Variants in TAF1B observed in about 807,000 individuals in gnomAD.
The protein encoded by TAF1B is TATA-box binding protein associated factor, RNA polymerase I subunit B.
Under a neutral mutation model 83.9 loss-of-function variants are expected in TAF1B, and 61 were observed. The observed-to-expected ratio is 0.73, with a 90% CI of 0.59 to 0.90. The LOEUF is 0.90. Ranked by LOEUF, TAF1B falls within the 40% of genes least tolerant of loss-of-function variation. The pLI is 0.00. For synonymous variants in TAF1B, 221 were observed against 224.6 expected, an observed-to-expected ratio of 0.98 and a Z score of 0.14; for missense variants, 625 against 677.0, an observed-to-expected ratio of 0.92 and a Z score of 0.85.
chr2:9,899,691 GTAT>G (rs760475529), intron 8 of TAF1B, among the ~76,000 whole-genome samples: 10 of 92,346 alleles, frequency 1.1e-4, no homozygotes, highest in Non-Finnish European at 2.4e-4. Context: ...CAAAAGTAAT[GTAT>G]TCAGAATTAG....
chr2:9,875,948 C>A lies in TAF1B; in HGVS notation c.637C>A (p.Gln213Lys). The change falls in exon 7 of 15, where the codon CAG becomes AAG. Residue 213 changes from glutamine to lysine, a missense_variant. Coordinates refer to ENST00000263663, the MANE Select transcript of TAF1B (RefSeq NM_005680.3). ...EKGIVKMTMP[Q>K]TLAFCYLSLL... The stretch of plus-strand genomic sequence containing the variant: ...GGGAATCGTGAAGATGACCATGCCA[C>A]AGACACTTGCCTTCTGTTATCTGTC... The A allele has an allele frequency of 6.2e-7, 1 of 1,613,802 alleles. No individual in the cohort carries two copies. Among genetic ancestry groups the A allele is most frequent in the Non-Finnish European group, 8.5e-7 (1 of 1,179,750 alleles).
intron 9 of TAF1B, among the ~76,000 whole-genome samples, chr2:9,906,442 T>C (rs942094269): frequency 6.6e-6 from 1 of 152,160 alleles, no homozygotes; most frequent in Admixed American, 6.5e-5. Context: ...GTCTGTTCAA[T>C]AGAAATAATT....
chr2:9,928,814 A>G (rs1221063251), intron 14 of TAF1B, among the ~76,000 whole-genome samples: 5 of 152,150 alleles, frequency 3.3e-5, no homozygotes, highest in African/African-American at 1.2e-4. Flanking sequence ...AACAGGGACA[A>G]TTTGACTTCC....
chr2:9,906,399 A>G (rs1665344278), intron 9 of TAF1B, among the ~76,000 whole-genome samples: 1 of 152,214 alleles, frequency 6.6e-6, no homozygotes, highest in Non-Finnish European at 1.5e-5. Flanking sequence ...CAGTATTATA[A>G]AAAATGGAGG....
intron 14 of TAF1B, among the ~76,000 whole-genome samples, chr2:9,920,196 C>T (rs771866881): frequency 8.5e-5 from 13 of 152,246 alleles, no homozygotes; most frequent in Non-Finnish European, 7.4e-5. Context: ...TAAGGATATT[C>T]TCTTAAGTGA....
chr2:9,869,693 T>C (rs1383313542), intron 6 of TAF1B, among the ~76,000 whole-genome samples: 3 of 151,166 alleles, frequency 2.0e-5, no homozygotes, highest in Admixed American at 6.6e-5. Flanking sequence ...CTGGCCAACA[T>C]GGAGAAACCC....
chr2:9,883,519 C>T (rs1267534582), intron 8 of TAF1B, among the ~76,000 whole-genome samples: 1 of 152,184 alleles, frequency 6.6e-6, no homozygotes, highest in African/African-American at 2.4e-5. Context: ...TTCAGATACC[C>T]TTTGATGTTC....
At position 9,854,349 on chromosome 2, in the gene TAF1B, G is replaced by A. The variant is rs778794346; in HGVS notation, c.327G>A (p.Trp109Ter). Reference sequence around the variant, plus strand: ...AGAACGATGTTTTACATAATTTTTGGAAGCGCTACCTTCAGAAGAGCAAGC... The same window carrying A: ...AGAACGATGTTTTACATAATTTTTGAAAGCGCTACCTTCAGAAGAGCAAGC... Reference protein sequence around the residue: ...ELKNDVLHNFWKRYLQKSKQA... With the variant: ...ELKNDVLHNF Residue 109 changes from tryptophan to a stop codon, truncating the protein, a stop_gained, in exon 5 of 15, where the codon TGG (tryptophan) becomes TGA (stop). Coordinates refer to ENST00000263663, the MANE Select transcript of TAF1B (RefSeq NM_005680.3). LOFTEE classifies it high-confidence loss of function. 6.2e-7 allele frequency: 1 copy of A among 1,613,914 alleles called. No individual in the cohort carries two copies. Among genetic ancestry groups the A allele is most frequent in the Non-Finnish European group, 8.5e-7 (1 of 1,179,916 alleles).
chr2:9,855,139 C>T (rs752790473), intron 5 of TAF1B, among the ~76,000 whole-genome samples: 15 of 152,230 alleles, frequency 9.9e-5, no homozygotes, highest in Admixed American at 5.9e-4. Context: ...GGATTACAGG[C>T]GCCCGCCACC....
intron 6 of TAF1B, among the ~76,000 whole-genome samples, chr2:9,869,615 C>T (rs897679246): frequency 6.6e-5 from 10 of 151,678 alleles, no homozygotes; most frequent in African/African-American, 2.4e-4. Flanking sequence ...GTGGCTCACA[C>T]CTGTAATCTC....
chr2:9,892,586 C>T (rs1664903111), intron 8 of TAF1B, among the ~76,000 whole-genome samples: 1 of 152,136 alleles, frequency 6.6e-6, no homozygotes, highest in Non-Finnish European at 1.5e-5. Flanking sequence ...TCTAGGTTCA[C>T]CCATGGTGTC....
chr2:9,858,443 G>C (rs1663635945), intron 5 of TAF1B, among the ~76,000 whole-genome samples: 1 of 152,226 alleles, frequency 6.6e-6, no homozygotes, highest in Admixed American at 6.5e-5. Context: ...CAAGATGTCA[G>C]TGGCTCTACC....
intron 7 of TAF1B, among the ~76,000 whole-genome samples, chr2:9,881,261 C>T (rs1332075420): frequency 6.6e-6 from 1 of 151,864 alleles, no homozygotes; most frequent in Non-Finnish European, 1.5e-5. Context: ...TCACTTGAAC[C>T]TGGGAGGTGG....
chr2:9,903,100 A>T (rs1241295852), intron 8 of TAF1B, among the ~76,000 whole-genome samples: 1 of 151,998 alleles, frequency 6.6e-6, no homozygotes, highest in African/African-American at 2.4e-5. Context: ...ATTTTATTTT[A>T]TTTGAGACGG....
intron 6 of TAF1B, among the ~76,000 whole-genome samples, chr2:9,874,180 T>C (rs970270427): frequency 6.6e-6 from 1 of 152,168 alleles, no homozygotes; most frequent in African/African-American, 2.4e-5. Context: ...GTAGAAACTA[T>C]ATTATGTTGC....
At chr2:9,854,532 G>A in intron 5 of TAF1B, 111 bp downstream of exon 5, 1 of 744,016 alleles carries the variant, frequency 1.3e-6, no homozygotes, top group Non-Finnish European at 2.2e-6. Context: ...CTTGTCAGAG[G>A]ATTTTCAGTT....
intron 8 of TAF1B, among the ~76,000 whole-genome samples, chr2:9,886,832 C>T (rs1331005257): frequency 1.3e-5 from 2 of 152,108 alleles, no homozygotes; most frequent in African/African-American, 2.4e-5. Flanking sequence ...TTTGGGAGGC[C>T]GAGGCAGGCG....
chr2:9,906,317 A>G (rs1178378802), intron 9 of TAF1B, among the ~76,000 whole-genome samples: 1 of 152,228 alleles, frequency 6.6e-6, no homozygotes, highest in African/African-American at 2.4e-5. Context: ...CGTAAGGAGT[A>G]GAAATAAATC....
At position 9,919,590 on chromosome 2, in the gene TAF1B, G is replaced by T; in HGVS notation, c.1343-8G>T. On this transcript the variant is annotated splice_region_variant and splice_polypyrimidine_tract_variant and intron_variant, in intron 13 of 14. Coordinates refer to ENST00000263663, the MANE Select transcript of TAF1B (RefSeq NM_005680.3). ...GTTATTTTGTTTCCTTTTTTTCTCC[G>T]GTTCCAGAAATGGTGGTGAATCTAC... 1 of 1,603,730 alleles carries T rather than the reference G, an allele frequency of 6.2e-7. No homozygotes were observed.
Sources: gnomAD v4.1 joint callset for allele counts (sites outside exome capture counted in the v4.1 genomes callset) on GRCh38, gnomAD v4.1.1 for gene constraint, MANE v1.5 for transcripts, NCBI Gene and HGNC (gene_info 2026-07-23, HGNC 2026-07-21) for gene names.